The following LANCL1 variants were observed in gnomAD, a reference collection of about 807,000 sequenced individuals.
LANCL1 encodes LanC like glutathione S-transferase 1, also known as glutathione S-transferase LANCL1.
Under a neutral mutation model 50.6 loss-of-function variants are expected in LANCL1, and 50 were observed. The ratio of observed to expected loss-of-function variants is 0.99; its 90% CI spans 0.79 to 1.25. The LOEUF is 1.25. Among genes scored for constraint, LANCL1 ranks in the 50% most tolerant of loss-of-function variants. The pLI is 0.00. For missense variants in LANCL1, 532 were observed against 480.7 expected (o/e 1.11, Z -1.00); for synonymous variants, 188 against 178.6 (o/e 1.05, Z -0.42).
chr2:210,472,548 A>G (rs2287422), intron 2 of LANCL1, among the ~76,000 whole-genome samples: 72,707 of 152,070 alleles, frequency 0.48, 19,105 homozygotes, highest in East Asian at 0.61. Flanking sequence ...GCCAAAGAAA[A>G]GCAAAACAAA....
intron 4 of LANCL1, among the ~76,000 whole-genome samples, chr2:210,443,230 C>T (rs1462770738): frequency 6.6e-6 from 1 of 152,128 alleles, no homozygotes; most frequent in Non-Finnish European, 1.5e-5. Context: ...GTAGTTTGAC[C>T]TCTGAGAATG....
Position 210,437,534 on chromosome 2 carries a change from T to C in LANCL1, c.873+156A>G, listed in dbSNP as rs540589548. ...GAAACAATGGCTGCTATGGTACAGA[T>C]AGATGGTGAGAATGAATTATAATTC... On this transcript the variant is annotated intron_variant, in intron 7 of 9. Transcript: ENST00000450366. Among the ~76,000 whole-genome samples, 9 of 152,316 alleles carry C rather than the reference T, an allele frequency of 5.9e-5. No homozygotes were observed. In the South Asian group the frequency reaches 1.4e-3, roughly 25 times the overall value.
intron 1 of LANCL1, 35 bp from the exon 2 acceptor site, chr2:210,476,447 G>T: frequency 6.3e-7 from 1 of 1,582,522 alleles, no homozygotes; most frequent in Non-Finnish European, 8.6e-7. Flanking sequence ...ACTAGGTTGA[G>T]ATAGGGGCCT....
intron 5 of LANCL1, 32 bp from the exon 6 acceptor site, chr2:210,440,776 T>A (rs1324329333): frequency 6.3e-7 from 1 of 1,596,372 alleles, no homozygotes; most frequent in South Asian, 1.1e-5. Context: ...AAATAACAAG[T>A]TAACTGAACA....
chr2:210,454,532 C>T (rs966684530), intron 4 of LANCL1, among the ~76,000 whole-genome samples: 3 of 152,152 alleles, frequency 2.0e-5, no homozygotes, highest in Non-Finnish European at 2.9e-5. Context: ...AGCCTAAGAG[C>T]GATGCATGCA....
chr2:210,442,421 C>A (rs1432538485), intron 4 of LANCL1: 1 of 152,226 alleles, frequency 6.6e-6, no homozygotes, highest in Non-Finnish European at 1.5e-5. Flanking sequence ...TAACAGCACA[C>A]AGAGTAGTCA....
intron 5 of LANCL1, 83 bp from the exon 6 acceptor site, chr2:210,440,827 G>T (rs1422849605): frequency 6.3e-6 from 8 of 1,268,472 alleles, no homozygotes; most frequent in Non-Finnish European, 8.7e-6. Flanking sequence ...TTGCTAAGAG[G>T]TACTGGGGAA....
intron 4 of LANCL1, among the ~76,000 whole-genome samples, chr2:210,453,291 T>C (rs960871058): frequency 1.3e-5 from 2 of 152,170 alleles, no homozygotes; most frequent in Non-Finnish European, 2.9e-5. Context: ...AATACACTAA[T>C]ATTGATATTG....
At chr2:210,461,373 A>C (rs1693853317) in intron 3 of LANCL1, among the ~76,000 whole-genome samples, 1 of 122,314 alleles carries the variant, frequency 8.2e-6, no homozygotes, top group African/African-American at 2.6e-5. Context: ...CAAATTAAAC[A>C]CTGAAATGCT....
At chr2:210,436,490 T>C in intron 7 of LANCL1, 98 bp from the exon 8 acceptor site, 1 of 1,190,448 alleles carries the variant, frequency 8.4e-7, no homozygotes, top group Non-Finnish European at 1.2e-6. Context: ...GGAGATGGCT[T>C]GGCAAGAAAG....
chr2:210,476,636 C>G lies in LANCL1; in HGVS notation c.-33G>C. On this transcript the variant is annotated 5_prime_UTR_variant, in exon 1 of 10. Transcript: ENST00000450366. ...TTAACCCACCCGGACAAAGAGGCCC[C>G]GTTTTGCAACCCCGTTCCCACGCCC... is the stretch of plus-strand genomic sequence containing the variant. 1.6e-6 allele frequency: 2 copies of G among 1,281,392 alleles called. No individual in the cohort carries two copies. Among genetic ancestry groups the G allele is most frequent in the Non-Finnish European group, 2.0e-6 (2 of 1,013,078 alleles). The allele number at this position is 1,281,392 out of a possible 1,614,324, so 79.4% of individuals were successfully genotyped here. A position where few individuals can be genotyped will look rare whatever the true frequency, so the allele number is the denominator to read the frequency against.
At chr2:210,474,170 A>G (rs1694293942) in intron 2 of LANCL1, among the ~76,000 whole-genome samples, 1 of 152,212 alleles carries the variant, frequency 6.6e-6, no homozygotes, top group African/African-American at 2.4e-5. Flanking sequence ...AGTCTCTAAA[A>G]GTCCTTTTTT....
At chr2:210,440,985 G>A (rs1004475179) in intron 5 of LANCL1, among the ~76,000 whole-genome samples, 2 of 152,176 alleles carry the variant, frequency 1.3e-5, no homozygotes, top group African/African-American at 4.8e-5. Flanking sequence ...GAGTTCGCCT[G>A]TCAAAGAAAA....
Position 210,435,457 on chromosome 2 carries a change from A to T in LANCL1, c.1053T>A (p.Phe351Leu), listed in dbSNP as rs1559704369. Residue 351 changes from phenylalanine (F) to leucine (L), a missense_variant and splice_region_variant, in exon 9 of 10, where the codon TTT (phenylalanine) becomes TTA (leucine). Physicochemically the swap from Phe to Leu is conservative, Grantham distance 22. Transcript: ENST00000450366. ...CTCCATACTCTAAGCACCATTCAGC[A>T]AACTGAAAATGAGACCAAGTTAAAT... ...DMKYLYRACK[F>L]AEWCLEYGEH... 6.2e-7 allele frequency: 1 copy of T among 1,612,884 alleles called. No individual in the cohort carries two copies. The highest frequency in any genetic ancestry group is 1.3e-5 in the African/African-American group (1 of 75,032).
chr2:210,470,722 T>C (rs907179609), intron 3 of LANCL1, among the ~76,000 whole-genome samples: 2 of 152,182 alleles, frequency 1.3e-5, no homozygotes, highest in African/African-American at 4.8e-5. Flanking sequence ...AATAAATTTC[T>C]CTCAGAAAGC....
At chr2:210,451,456 G>A (rs928741683) in intron 4 of LANCL1, among the ~76,000 whole-genome samples, 4 of 151,960 alleles carry the variant, frequency 2.6e-5, no homozygotes, top group Non-Finnish European at 5.9e-5. Context: ...CATGTACCCC[G>A]GAACTCAAAG....
chr2:210,431,904 T>C lies in LANCL1; in HGVS notation c.*2583A>G, dbSNP rs542870783. 3.9e-5 allele frequency: 6 copies of C among 152,334 alleles called. No individual in the cohort carries two copies. Among genetic ancestry groups the C allele is most frequent in the East Asian group, 1.9e-4 (1 of 5,186 alleles). 9.4% of individuals were successfully genotyped at this position (152,334 alleles called of 1,614,324 possible). On this transcript the variant is annotated 3_prime_UTR_variant, in exon 10 of 10. Coordinates refer to ENST00000450366, the MANE Select transcript of LANCL1 (RefSeq NM_006055.3). ...TAACTATTTGCAATTTCTAAATTAC[T>C]ATAGAAACAGAAACATGTGACAGGA...
intron 4 of LANCL1, among the ~76,000 whole-genome samples, chr2:210,449,700 A>G (rs541707763): frequency 1.3e-5 from 2 of 152,322 alleles, no homozygotes; most frequent in South Asian, 4.1e-4. Flanking sequence ...CTATACGCTA[A>G]TAATAGACAA....
At chr2:210,468,852 T>C (rs1462506302) in intron 3 of LANCL1, 1 of 152,212 alleles carries the variant, frequency 6.6e-6, no homozygotes, top group Non-Finnish European at 1.5e-5. Context: ...GGCCTTCTTT[T>C]ACAAGAGAAA....
Sources: allele counts gnomAD v4.1 joint callset (sites outside exome capture counted in the v4.1 genomes callset), GRCh38; gene constraint gnomAD v4.1.1; transcripts MANE v1.5; gene names NCBI Gene and HGNC (gene_info 2026-07-23, HGNC 2026-07-21).